Variants in SOD1 observed in about 807,000 individuals in gnomAD.
SOD1 encodes superoxide dismutase 1.
A neutral mutation model predicts 15.9 loss-of-function variants in SOD1; 8 were observed. The observed-to-expected ratio is 0.50, with a 90% CI of 0.30 to 0.91. SOD1 has a LOEUF of 0.91. Ranked by LOEUF, SOD1 falls within the 40% of genes least tolerant of loss-of-function variation. SOD1 has a pLI of 0.07. For missense variants in SOD1, 137 were observed against 194.5 expected, an observed-to-expected ratio of 0.70 and a Z score of 1.76; for synonymous variants, 86 against 71.2, an observed-to-expected ratio of 1.21 and a Z score of -1.04.
chr21:31,659,743 C>T lies in SOD1; in HGVS notation c.-27C>T. The T allele has an allele frequency of 6.2e-7, 1 of 1,613,436 alleles. No homozygotes were observed. Among genetic ancestry groups the T allele is most frequent in the African/African-American group, 1.3e-5 (1 of 75,040 alleles). The stretch of plus-strand genomic sequence containing the variant: ...GGGTTTCCGTTGCAGTCCTCGGAAC[C>T]AGGACCTCGGCGTGGCCTAGCGAGT... On this transcript the variant is annotated 5_prime_UTR_variant, in exon 1 of 5. Coordinates refer to ENST00000270142, the MANE Select transcript of SOD1 (RefSeq NM_000454.5).
intron 2 of SOD1, among the ~76,000 whole-genome samples, chr21:31,664,786 T>G (rs2049579817): frequency 1.3e-5 from 2 of 152,012 alleles, no homozygotes; most frequent in African/African-American, 4.8e-5. Context: ...GCCTGGCTAA[T>G]TTTTTGTATT....
At chr21:31,663,952 C>G in intron 2 of SOD1, 66 bp downstream of exon 2, 1 of 1,228,114 alleles carries the variant, frequency 8.1e-7, no homozygotes, top group Non-Finnish European at 1.2e-6. Context: ...GTAGAGTAGC[C>G]CCTAAACGTT....
intron 3 of SOD1, chr21:31,667,032 A>G (rs2049599478): frequency 3.4e-6 from 2 of 587,032 alleles, no homozygotes; most frequent in African/African-American, 1.9e-5. Flanking sequence ...TAACTCAGTA[A>G]CTGAGAGTTT....
chr21:31,663,978 G>T (rs2049571279), intron 2 of SOD1, 92 bp downstream of exon 2: 5 of 955,662 alleles, frequency 5.2e-6, no homozygotes, highest in Non-Finnish European at 8.4e-6. Context: ...CCCTCAACTT[G>T]TTTTTGTTTT....
chr21:31,659,696 TC>T lies in SOD1; in HGVS notation c.-73del. ...CGCGGAGACGGGGTGCTGGTTTGCGTCGTAGTCTCCTGCAGCGTCTGGGGTT... is the reference window on the plus strand; with the variant it reads ...CGCGGAGACGGGGTGCTGGTTTGCGTGTAGTCTCCTGCAGCGTCTGGGGTT... On this transcript the variant is annotated 5_prime_UTR_variant, in exon 1 of 5. Transcript: ENST00000270142. 2 of 1,499,846 alleles carry T rather than the reference TC, an allele frequency of 1.3e-6. No homozygotes were observed. Among genetic ancestry groups the T allele is most frequent in the Non-Finnish European group, 1.9e-6 (2 of 1,077,886 alleles). 92.9% of individuals were successfully genotyped at this position (1,499,846 alleles called of 1,614,324 possible).
Position 31,665,213 on chromosome 21 carries a change from G to C in SOD1, c.170-1236G>C, listed in dbSNP as rs544551373. 1.4e-4 allele frequency among the ~76,000 whole-genome samples: 21 copies of C among 152,294 alleles called. No homozygotes were observed. In the South Asian group the frequency reaches 4.2e-3, roughly 30 times the overall value. ...AAAAAATCAGGCAACCCCTGAACCA[G>C]AGTAGGTTCAGAGAAACTGCCAAAT... is the stretch of plus-strand genomic sequence containing the variant. On this transcript the variant is annotated intron_variant, in intron 2 of 4. Transcript: ENST00000270142.
At chr21:31,663,457 C>T (rs1389456634) in intron 1 of SOD1, among the ~76,000 whole-genome samples, 1 of 152,138 alleles carries the variant, frequency 6.6e-6, no homozygotes, top group East Asian at 1.9e-4. Flanking sequence ...ATAGTCAAAG[C>T]CTATGAAGTA....
intron 3 of SOD1, chr21:31,666,976 G>T: frequency 2.1e-6 from 1 of 481,754 alleles, no homozygotes; most frequent in Non-Finnish European, 3.7e-6. Flanking sequence ...TTATATCAGA[G>T]GCCTTGGGAC....
At chr21:31,668,231 T>C (rs1022786760) in intron 4 of SOD1, among the ~76,000 whole-genome samples, 16 of 152,298 alleles carry the variant, frequency 1.1e-4, no homozygotes, top group African/African-American at 3.6e-4. Flanking sequence ...ATTTGGGTTT[T>C]AGTATTTCAT....
At chr21:31,663,176 G>A (rs953678011) in intron 1 of SOD1, among the ~76,000 whole-genome samples, 8 of 149,792 alleles carry the variant, frequency 5.3e-5, no homozygotes, top group South Asian at 2.1e-4. Context: ...AAGGGTGTGC[G>A]TGGAGAAAAA....
intron 1 of SOD1, among the ~76,000 whole-genome samples, chr21:31,663,138 T>A (rs1011135979): frequency 6.6e-6 from 1 of 150,556 alleles, no homozygotes; most frequent in South Asian, 2.1e-4. Flanking sequence ...TTTTTTTTTT[T>A]AAAGTCAAGT....
Position 31,666,461 on chromosome 21 carries a change from C to A in SOD1, c.182C>A (p.Ala61Glu), listed in dbSNP as rs1378635853. Residue 61 changes from alanine (A) to glutamate (E), a missense_variant, in exon 3 of 5, where the codon GCA (alanine) becomes GAA (glutamate). By Grantham distance (107) the Ala-to-Glu change is moderately radical. Coordinates refer to ENST00000270142, the MANE Select transcript of SOD1 (RefSeq NM_000454.5). ...FGDNTAGCTS[A>E]GPHFNPLSRK... Reference sequence around the variant, plus strand: ...TTCTTATAAATAGGCTGTACCAGTGCAGGTCCTCACTTTAATCCTCTATCC... The same window carrying A: ...TTCTTATAAATAGGCTGTACCAGTGAAGGTCCTCACTTTAATCCTCTATCC... 6.2e-7 allele frequency: 1 copy of A among 1,611,254 alleles called. No individual in the cohort carries two copies. Among genetic ancestry groups the A allele is most frequent in the Non-Finnish European group, 8.5e-7 (1 of 1,177,624 alleles).
At chr21:31,663,929 A>C in intron 2 of SOD1, 43 bp downstream of exon 2, 1 of 1,439,210 alleles carries the variant, frequency 6.9e-7, no homozygotes, top group Non-Finnish European at 9.8e-7. Flanking sequence ...TGTTCACCCT[A>C]GTTAGATAAA....
In SOD1 at chr21:31,667,400, A is replaced by C. The variant is rs1568810850; in HGVS notation, c.357+25A>C. 7 of 1,452,476 alleles carry C rather than the reference A, an allele frequency of 4.8e-6. No individual in the cohort carries two copies. In the Admixed American group the frequency reaches 8.4e-5, roughly 17 times the overall value. 90.0% of individuals were successfully genotyped at this position (1,452,476 alleles called of 1,614,324 possible). On this transcript the variant is annotated intron_variant, in intron 4 of 4. Coordinates refer to ENST00000270142, the MANE Select transcript of SOD1 (RefSeq NM_000454.5). Reference sequence around the variant, plus strand: ...GGTAAGTTTTCATAAAAGGATATGCATAAAACTTCTTCTAACATACAGTCA... The same window carrying C: ...GGTAAGTTTTCATAAAAGGATATGCCTAAAACTTCTTCTAACATACAGTCA...
In SOD1 at chr21:31,659,705, C is replaced by T. The variant is rs1178919912; in HGVS notation, c.-65C>T. The T allele has an allele frequency of 5.8e-6, 9 of 1,544,548 alleles. No individual in the cohort carries two copies. Among genetic ancestry groups the T allele is most frequent in the Admixed American group, 1.7e-5 (1 of 59,834 alleles). On this transcript the variant is annotated 5_prime_UTR_variant, in exon 1 of 5. Coordinates refer to ENST00000270142, the MANE Select transcript of SOD1 (RefSeq NM_000454.5). The stretch of plus-strand genomic sequence containing the variant: ...GGGGTGCTGGTTTGCGTCGTAGTCT[C>T]CTGCAGCGTCTGGGGTTTCCGTTGC...
rs1555836793 is a variant in SOD1, at chr21:31,667,279, T to C, written c.261T>C (p.Asn87=). ...TTAGGCATGTTGGAGACTTGGGCAA[T>C]GTGACTGCTGACAAAGATGGTGTGG... The part of the protein sequence containing the change: ...DEERHVGDLG[N]VTADKDGVAD... Residue 87 remains asparagine (N), a synonymous_variant, in exon 4 of 5, where the codon AAT becomes AAC. Coordinates refer to ENST00000270142, the MANE Select transcript of SOD1 (RefSeq NM_000454.5). 3 of 1,614,066 alleles carry C rather than the reference T, an allele frequency of 1.9e-6. No homozygotes were observed. Among genetic ancestry groups the C allele is most frequent in the Non-Finnish European group, 2.5e-6 (3 of 1,179,912 alleles).
At chr21:31,662,718 A>G (rs565171791) in intron 1 of SOD1, among the ~76,000 whole-genome samples, 2 of 152,348 alleles carry the variant, frequency 1.3e-5, no homozygotes, top group South Asian at 4.1e-4. Context: ...ACTGCTAATT[A>G]AAAATACCTG....
At chr21:31,667,525 G>C in intron 4 of SOD1, 150 bp downstream of exon 4, 1 of 724,082 alleles carries the variant, frequency 1.4e-6, no homozygotes, top group South Asian at 1.5e-5. Flanking sequence ...GGACAATTAC[G>C]GTGAAAATGA....
chr21:31,661,807 G>C (rs900036880), intron 1 of SOD1: 2 of 152,266 alleles, frequency 1.3e-5, no homozygotes, highest in African/African-American at 4.8e-5. Flanking sequence ...TTTGGTGCCC[G>C]TTGTACCTGA....
Sources: allele counts gnomAD v4.1 joint callset (sites outside exome capture counted in the v4.1 genomes callset), GRCh38; gene constraint gnomAD v4.1.1; transcripts MANE v1.5; gene names NCBI Gene and HGNC (gene_info 2026-07-23, HGNC 2026-07-21).